Variants in STK32B observed in about 807,000 individuals in gnomAD.
The protein encoded by STK32B is serine/threonine-protein kinase 32B.
STK32B carries 43 observed loss-of-function variants against 52.6 expected under a neutral mutation model. The ratio of observed to expected loss-of-function variants is 0.82; its 90% CI spans 0.64 to 1.05. The LOEUF is 1.05. Ranked by LOEUF, STK32B falls within the 50% of genes least tolerant of loss-of-function variation. STK32B has a pLI of 0.00. For missense variants in STK32B, 621 were observed against 534.6 expected, an observed-to-expected ratio of 1.16 and a Z score of -1.59; for synonymous variants, 238 against 204.3, an observed-to-expected ratio of 1.17 and a Z score of -1.41.
At chr4:5,182,768 A>C (rs111837382) in intron 3 of STK32B, among the ~76,000 whole-genome samples, 1 of 151,964 alleles carries the variant, frequency 6.6e-6, no homozygotes, top group Non-Finnish European at 1.5e-5. Context: ...CCCAAAATGT[A>C]CTTCTTAAAT....
At chr4:5,425,516 G>A (rs1713017576) in intron 6 of STK32B, among the ~76,000 whole-genome samples, 1 of 152,084 alleles carries the variant, frequency 6.6e-6, no homozygotes, top group Non-Finnish European at 1.5e-5. Flanking sequence ...TACATGCTAG[G>A]CACTGTTCTA....
chr4:5,275,682 TG>T (rs907721470), intron 3 of STK32B, among the ~76,000 whole-genome samples: 8 of 151,968 alleles, frequency 5.3e-5, no homozygotes, highest in African/African-American at 1.9e-4. Context: ...TTTGGACACC[TG>T]GGGGAATGGA....
intron 6 of STK32B, among the ~76,000 whole-genome samples, chr4:5,437,549 G>A (rs1012859997): frequency 6.6e-6 from 1 of 152,186 alleles, no homozygotes; most frequent in Non-Finnish European, 1.5e-5. Flanking sequence ...TGAGATACTT[G>A]ATTACATTTA....
At chr4:5,148,038 T>C (rs1717048538) in intron 2 of STK32B, among the ~76,000 whole-genome samples, 1 of 151,930 alleles carries the variant, frequency 6.6e-6, no homozygotes, top group Non-Finnish European at 1.5e-5. Context: ...GAGTTTTCTT[T>C]CTAGTAAGGC....
intron 3 of STK32B, among the ~76,000 whole-genome samples, chr4:5,251,039 C>A (rs188895895): frequency 6.6e-6 from 1 of 152,198 alleles, no homozygotes; most frequent in Admixed American, 6.5e-5. Context: ...GTTTCTTTTG[C>A]GGGACAGAAG....
In STK32B at chr4:5,460,364, C is replaced by T. The variant is rs1716938720; in HGVS notation, c.909+136C>T. ...CTGAGCACCAAGGGCTTATGTCTTGCTGGAATTCAGGGTGAACTTGGGCCT... is the reference window on the plus strand; with the variant it reads ...CTGAGCACCAAGGGCTTATGTCTTGTTGGAATTCAGGGTGAACTTGGGCCT... On this transcript the variant is annotated intron_variant, in intron 9 of 11. Coordinates refer to ENST00000282908, the MANE Select transcript of STK32B (RefSeq NM_018401.3). The surrounding 1 kb of genome is among the most constrained non-coding windows in gnomAD (Gnocchi z 4.8). 5 of 1,376,746 alleles carry T rather than the reference C, an allele frequency of 3.6e-6. No homozygotes were observed. In the South Asian group the frequency reaches 7.1e-5, roughly 20 times the overall value. The allele number at this position is 1,376,746 out of a possible 1,614,324, so 85.3% of individuals were successfully genotyped here. A position where few individuals can be genotyped will look rare whatever the true frequency, so the allele number is the denominator to read the frequency against.
At chr4:5,448,099 CTG>C (rs1358302864) in intron 7 of STK32B, among the ~76,000 whole-genome samples, 2 of 152,176 alleles carry the variant, frequency 1.3e-5, no homozygotes, top group Admixed American at 1.3e-4. Flanking sequence ...ACCATGAACG[CTG>C]TGAGTGCAAA....
intron 5 of STK32B, among the ~76,000 whole-genome samples, chr4:5,405,581 A>C (rs1737603094): frequency 6.6e-6 from 1 of 152,128 alleles, no homozygotes; most frequent in African/African-American, 2.4e-5. Context: ...TCACAATTCC[A>C]CAGGCTGTTC....
chr4:5,199,761 A>C (rs1366089377), intron 3 of STK32B, among the ~76,000 whole-genome samples: 26 of 140,164 alleles, frequency 1.9e-4, no homozygotes, highest in African/African-American at 3.5e-4. Flanking sequence ...ATGTTCTCCC[A>C]CCCCCGCCCA....
At chr4:5,490,727 C>G (rs1037075090) in intron 11 of STK32B, among the ~76,000 whole-genome samples, 1 of 151,920 alleles carries the variant, frequency 6.6e-6, no homozygotes, top group African/African-American at 2.4e-5. Flanking sequence ...CTCCCCAACT[C>G]TCCACCCCAC....
chr4:5,087,570 A>G (rs1182970011), intron 1 of STK32B, among the ~76,000 whole-genome samples: 1 of 146,392 alleles, frequency 6.8e-6, no homozygotes, highest in East Asian at 1.9e-4. Context: ...CAAGGGACAA[A>G]TAATTTGATA....
At chr4:5,230,976 C>T (rs1227337654) in intron 3 of STK32B, among the ~76,000 whole-genome samples, 3 of 152,158 alleles carry the variant, frequency 2.0e-5, no homozygotes, top group South Asian at 2.1e-4. Context: ...AGGATACGGA[C>T]ACTTCTGCAG....
At chr4:5,443,797 G>C (rs1458497305) in intron 6 of STK32B, among the ~76,000 whole-genome samples, 1 of 152,098 alleles carries the variant, frequency 6.6e-6, no homozygotes, top group African/African-American at 2.4e-5. Context: ...TGTCCTTTCT[G>C]TTTATTAGTT....
intron 1 of STK32B, among the ~76,000 whole-genome samples, chr4:5,127,336 T>C (rs1318665554): frequency 1.3e-5 from 2 of 152,220 alleles, no homozygotes; most frequent in Non-Finnish European, 2.9e-5. Flanking sequence ...TGTGAGGGTC[T>C]GATAACCAGG....
chr4:5,359,153 A>C (rs1268745016), intron 4 of STK32B, among the ~76,000 whole-genome samples: 1 of 152,156 alleles, frequency 6.6e-6, no homozygotes, highest in Non-Finnish European at 1.5e-5. Context: ...CCGTTCCTTA[A>C]AGTCAGATTG....
intron 1 of STK32B, among the ~76,000 whole-genome samples, chr4:5,091,844 C>A (rs2108784223): frequency 1.3e-5 from 2 of 152,202 alleles, no homozygotes; most frequent in Admixed American, 1.3e-4. Flanking sequence ...TGTGGTGTAT[C>A]CTTAAATGGA....
At chr4:5,155,591 C>T (rs556609940) in intron 2 of STK32B, among the ~76,000 whole-genome samples, 24 of 152,152 alleles carry the variant, frequency 1.6e-4, no homozygotes, top group African/African-American at 3.6e-4. Flanking sequence ...TAATCCCTAC[C>T]TGTCAAGGGA....
intron 11 of STK32B, among the ~76,000 whole-genome samples, chr4:5,487,524 T>C (rs1474490634): frequency 6.6e-6 from 1 of 152,318 alleles, no homozygotes; most frequent in Middle Eastern, 3.4e-3. Context: ...TGGAGGAAAC[T>C]GGGTGAGACG....
intron 11 of STK32B, among the ~76,000 whole-genome samples, chr4:5,492,929 C>T (rs1719872888): frequency 6.6e-6 from 1 of 151,066 alleles, no homozygotes. Flanking sequence ...ATGAAGCCCA[C>T]TTGATCATGG....
Sources: gnomAD v4.1 joint callset for allele counts (sites outside exome capture counted in the v4.1 genomes callset) on GRCh38, gnomAD v4.1.1 for gene constraint, Gnocchi (gnomAD v3.1) non-coding constraint, MANE v1.5 for transcripts, NCBI Gene and HGNC (gene_info 2026-07-23, HGNC 2026-07-21) for gene names.